The following NPEPPS variants were observed in gnomAD, a reference collection of about 807,000 sequenced individuals.
NPEPPS encodes puromycin-sensitive aminopeptidase.
In NPEPPS, 14 loss-of-function variants were observed where a neutral mutation model predicts 115.5. The observed-to-expected ratio is 0.12, with a 90% CI of 0.08 to 0.19. NPEPPS has a LOEUF of 0.19. Ranked by LOEUF, NPEPPS falls within the 10% of genes least tolerant of loss-of-function variation. NPEPPS has a pLI of 1.00. For synonymous variants in NPEPPS, 285 were observed against 390.6 expected (o/e 0.73, Z 3.19); for missense variants, 523 against 1,110.8 (o/e 0.47, Z 7.52).
At chr17:47,593,822 G>A (rs1912664165) in intron 12 of NPEPPS, among the ~76,000 whole-genome samples, 1 of 152,082 alleles carries the variant, frequency 6.6e-6, no homozygotes, top group African/African-American at 2.4e-5. Flanking sequence ...TTGTATACCT[G>A]AACATTTCTA....
intron 2 of NPEPPS, among the ~76,000 whole-genome samples, chr17:47,547,169 A>G (rs1438485376): frequency 3.3e-5 from 5 of 152,200 alleles, no homozygotes; most frequent in Non-Finnish European, 7.3e-5. Flanking sequence ...GAAACATGGT[A>G]TAGAATGTGG....
chr17:47,553,563 C>A (rs893657632), intron 2 of NPEPPS, among the ~76,000 whole-genome samples: 12 of 151,922 alleles, frequency 7.9e-5, no homozygotes, highest in Admixed American at 2.0e-4. Context: ...TTCTAAGACC[C>A]CCAATGGTAT....
intron 1 of NPEPPS, among the ~76,000 whole-genome samples, chr17:47,538,307 C>T (rs974396159): frequency 6.8e-6 from 1 of 147,340 alleles, no homozygotes; most frequent in Non-Finnish European, 1.5e-5. Context: ...CTCCACTTCC[C>T]TAGTTCAAGG....
In NPEPPS at chr17:47,531,286, G is replaced by C. The variant is rs763435334; in HGVS notation, c.-15G>C. 6.8e-7 allele frequency: 1 copy of C among 1,469,756 alleles called. No individual in the cohort carries two copies. The highest frequency in any genetic ancestry group is 2.1e-5 in the Admixed American group (1 of 46,976). The allele number at this position is 1,469,756 out of a possible 1,614,324, so 91.0% of individuals were successfully genotyped here. A position where few individuals can be genotyped will look rare whatever the true frequency, so the allele number is the denominator to read the frequency against. ...CCCCGGTCGCTCTCCTCCGGCGGTCGCCCGCGCTCGGTGGATGTGGCTGGC... is the reference window on the plus strand; with the variant it reads ...CCCCGGTCGCTCTCCTCCGGCGGTCCCCCGCGCTCGGTGGATGTGGCTGGC... On this transcript the variant is annotated 5_prime_UTR_variant, in exon 1 of 23. Coordinates refer to ENST00000322157, the MANE Select transcript of NPEPPS (RefSeq NM_006310.4).
rs750459606 is a variant in NPEPPS at position 47,605,350 on chromosome 17, T to C, written c.1893T>C (p.Ile631=). The C allele has an allele frequency of 6.2e-7, 1 of 1,608,230 alleles. No individual in the cohort carries two copies. ...DLFSLARAGI[I]STVEVLKVME... is the part of the protein sequence containing the mutation. ...TATCCCAGGCTCGAGCTGGAATCATTAGCACTGTAGAGGTTCTAAAAGTCA... is the reference window on the plus strand; with the variant it reads ...TATCCCAGGCTCGAGCTGGAATCATCAGCACTGTAGAGGTTCTAAAAGTCA... Residue 631 remains isoleucine, a synonymous_variant, in exon 17 of 23, where the codon ATT becomes ATC. Coordinates refer to ENST00000322157, the MANE Select transcript of NPEPPS (RefSeq NM_006310.4).
chr17:47,553,759 CTT>C (rs745894618), intron 2 of NPEPPS, among the ~76,000 whole-genome samples: 15 of 144,296 alleles, frequency 1.0e-4, no homozygotes, highest in South Asian at 2.2e-4. Flanking sequence ...GTCTCTCTCT[CTT>C]TTTTTTTTTT....
At chr17:47,597,117 TAATC>T (rs889110901) in intron 13 of NPEPPS, among the ~76,000 whole-genome samples, 8 of 152,046 alleles carry the variant, frequency 5.3e-5, no homozygotes, top group African/African-American at 1.9e-4. Flanking sequence ...AAATAGCACA[TAATC>T]ACTGACTAGA....
chr17:47,536,538 CAT>C, intron 1 of NPEPPS, among the ~76,000 whole-genome samples: 1 of 151,230 alleles, frequency 6.6e-6, no homozygotes, highest in Non-Finnish European at 1.5e-5. Context: ...GGATTACAGG[CAT>C]GCGTCACCAC....
intron 1 of NPEPPS, among the ~76,000 whole-genome samples, chr17:47,536,085 T>G (rs879445552): frequency 2.4e-4 from 36 of 152,154 alleles, no homozygotes; most frequent in Admixed American, 9.2e-4. Context: ...TCCATCTTCC[T>G]CGGCCTCCCA....
At chr17:47,546,859 C>G (rs1909253854) in intron 2 of NPEPPS, among the ~76,000 whole-genome samples, 1 of 152,040 alleles carries the variant, frequency 6.6e-6, no homozygotes, top group African/African-American at 2.4e-5. Context: ...AATTCTACTT[C>G]CAAGATTAAC....
At chr17:47,557,488 C>G (rs1207932271) in intron 2 of NPEPPS, 10 of 148,304 alleles carry the variant, frequency 6.7e-5, no homozygotes, top group Admixed American at 6.7e-4. Flanking sequence ...CTTCTTCACT[C>G]CCACTGCTTC....
At chr17:47,587,889 AATCCTT>A (rs1269621457) in intron 9 of NPEPPS, among the ~76,000 whole-genome samples, 1 of 151,324 alleles carries the variant, frequency 6.6e-6, no homozygotes, top group East Asian at 1.9e-4. Context: ...GTTCTGTTGA[AATCCTT>A]ATAATGTTTG....
intron 19 of NPEPPS, among the ~76,000 whole-genome samples, chr17:47,617,362 A>G (rs992749654): frequency 1.3e-5 from 2 of 151,778 alleles, no homozygotes; most frequent in Admixed American, 6.6e-5. Flanking sequence ...GTTCTCCCCC[A>G]CCCCCTTTTT....
rs1339388430 is a variant in NPEPPS, at chr17:47,547,792, C to T, written c.340+1799C>T. 7.9e-5 allele frequency among the ~76,000 whole-genome samples: 12 copies of T among 152,014 alleles called. No homozygotes were observed. The East Asian group carries it at 1.3e-3, about 17-fold the overall frequency. On this transcript the variant is annotated intron_variant, in intron 2 of 22. Transcript: ENST00000322157. ...CTGTAATTCCAGCACTTTGGGAGGC[C>T]GAGGCGGGTGGATCACAAGGTCAGG...
chr17:47,564,262 A>G (rs1401655579), intron 2 of NPEPPS, among the ~76,000 whole-genome samples: 1 of 152,154 alleles, frequency 6.6e-6, no homozygotes, highest in Admixed American at 6.5e-5. Context: ...GCACAATGGT[A>G]TACTCCTATA....
rs57585141 is a variant in NPEPPS, at chr17:47,622,425, CT to C, written c.*518del. ...GGAGTCAGTGCATAATTCCAAGTGGCTTTTTTTTTTTTTGGCACGGGGACTG... is the reference window on the plus strand; with the variant it reads ...GGAGTCAGTGCATAATTCCAAGTGGCTTTTTTTTTTTTGGCACGGGGACTG... On this transcript the variant is annotated 3_prime_UTR_variant, in exon 23 of 23. Coordinates refer to ENST00000322157, the MANE Select transcript of NPEPPS (RefSeq NM_006310.4). The C allele has an allele frequency of 0.17, 24,681 of 147,590 alleles. 2,143 individuals carry two copies. The highest frequency in any genetic ancestry group is 0.27 in the East Asian group (1,354 of 4,956). 9.1% of individuals were successfully genotyped at this position (147,590 alleles called of 1,614,324 possible). A position where few individuals can be genotyped will look rare whatever the true frequency, so the allele number is the denominator to read the frequency against.
In NPEPPS at chr17:47,618,998, T is replaced by C. The variant is rs753893555; in HGVS notation, c.2404-11T>C. ...GATACACTAGACTTTTAGCTCTCTT[T>C]CTTTTTTTAGGAAGAGGTACGTCCA... On this transcript the variant is annotated splice_polypyrimidine_tract_variant and intron_variant, in intron 20 of 22. Coordinates refer to ENST00000322157, the MANE Select transcript of NPEPPS (RefSeq NM_006310.4). 5.0e-6 allele frequency: 8 copies of C among 1,609,918 alleles called. No individual in the cohort carries two copies. In the Admixed American group the frequency reaches 1.3e-4, roughly 27 times the overall value.
intron 1 of NPEPPS, among the ~76,000 whole-genome samples, chr17:47,536,655 A>G (rs1381151793): frequency 6.7e-6 from 1 of 149,466 alleles, no homozygotes; most frequent in Non-Finnish European, 1.5e-5. Flanking sequence ...TCAGCCTCCC[A>G]AAGTGCTGGG....
At chr17:47,600,077 C>G (rs1913099468) in intron 14 of NPEPPS, among the ~76,000 whole-genome samples, 1 of 152,094 alleles carries the variant, frequency 6.6e-6, no homozygotes, top group Non-Finnish European at 1.5e-5. Flanking sequence ...CTCAGCCTCC[C>G]AAAGTGTTGG....
Sources: gnomAD v4.1 joint callset for allele counts (sites outside exome capture counted in the v4.1 genomes callset) on GRCh38, gnomAD v4.1.1 for gene constraint, MANE v1.5 for transcripts, NCBI Gene and HGNC (gene_info 2026-07-23, HGNC 2026-07-21) for gene names.